FASN: variants seen among roughly 807,000 people sequenced by gnomAD.
FASN encodes fatty acid synthase.
In FASN, 50 loss-of-function variants were observed where a neutral mutation model predicts 250.0. The observed-to-expected ratio is 0.20, with a 90% CI of 0.16 to 0.25. The LOEUF (loss-of-function observed/expected upper bound fraction) is 0.25, where lower values mean the gene tolerates loss of function less well. Ranked by LOEUF, FASN falls within the 10% of genes least tolerant of loss-of-function variation. FASN has a pLI of 1.00. For missense variants in FASN, 3,031 were observed against 3,498.5 expected (o/e 0.87, Z 3.37); for synonymous variants, 1,909 against 1,584.0 (o/e 1.21, Z -4.87).
At position 82,084,359 on chromosome 17, in the gene FASN, C is replaced by G; in HGVS notation, c.4794G>C (p.Leu1598=). ...IPGKWTSQDS[L]LGMEFSGRDA... ...CTCGGCCCGAGAACTCCATACCTAG[C>G]AGGCTGTCCTGGGAGGTCCACTTCC... The change falls in exon 28 of 43, where the codon CTG becomes CTC. Residue 1598 remains leucine (L), a synonymous_variant. Coordinates refer to ENST00000306749, the MANE Select transcript of FASN (RefSeq NM_004104.5). The G allele has an allele frequency of 6.2e-7, 1 of 1,608,166 alleles. No homozygotes were observed. Among genetic ancestry groups the G allele is most frequent in the Non-Finnish European group, 8.5e-7 (1 of 1,177,982 alleles).
rs968049325 is a variant in FASN, at chr17:82,090,379, G to A, written c.1866C>T (p.Ala622=). Residue 622 remains alanine, a synonymous_variant, in exon 11 of 43, where the codon GCC becomes GCT. Coordinates refer to ENST00000306749, the MANE Select transcript of FASN (RefSeq NM_004104.5). ...EAHLPPGAMA[A]VGLSWEECKQ... is the part of the protein sequence containing the mutation. ...GGGCCCCTCCGGGAGACCTACCCAC[G>A]GCTGCCATGGCGCCCGGCGGGAGAT... The A allele has an allele frequency of 6.3e-6, 10 of 1,585,768 alleles. No homozygotes were observed. Among genetic ancestry groups the A allele is most frequent in the South Asian group, 2.3e-5 (2 of 87,378 alleles).
chr17:82,088,612 G>C (rs1269473263), intron 15 of FASN, 50 bp from the exon 16 acceptor site: 1 of 1,581,552 alleles, frequency 6.3e-7, no homozygotes. Context: ...GGGTCCAGGG[G>C]CTCTGGGTTC....
chr17:82,086,639 C>A, intron 21 of FASN, 81 bp from the exon 22 acceptor site: 1 of 1,050,678 alleles, frequency 9.5e-7, no homozygotes, highest in Admixed American at 1.9e-5. Flanking sequence ...CCCACTCTGT[C>A]CTTCTGGGGC....
chr17:82,083,014 G>T lies in FASN; in HGVS notation c.5667C>A (p.Ile1889=), dbSNP rs201961129. The T allele has an allele frequency of 6.2e-7, 1 of 1,612,990 alleles. No homozygotes were observed. The highest frequency in any genetic ancestry group is 1.7e-5 in the Admixed American group (1 of 60,022). ...GGCCGAAGCCACCCAGACCACCAGC[G>T]ATGATGTAGCTCTTGTGGGCCGGGC... is the stretch of plus-strand genomic sequence containing the variant. The part of the protein sequence containing the change: ...TFCPAHKSYI[I]AGGLGGFGLE... Residue 1889 remains isoleucine (I), a synonymous_variant, in exon 33 of 43, where the codon ATC becomes ATA. Transcript: ENST00000306749.
chr17:82,080,653 A>G (rs760301728), intron 39 of FASN, 39 bp downstream of exon 39: 24 of 1,555,410 alleles, frequency 1.5e-5, no homozygotes, highest in Non-Finnish European at 2.0e-5. Context: ...CGTGATGGCC[A>G]GCACTGACCA....
Position 82,092,774 on chromosome 17 carries a change from T to C in FASN, c.817A>G (p.Ile273Val). The change falls in exon 7 of 43, where the codon ATC (isoleucine) becomes GTC (valine). Residue 273 changes from isoleucine to valine, a missense_variant. Physicochemically the swap from Ile to Val is conservative, Grantham distance 29. Transcript: ENST00000306749. The part of the protein sequence containing the change: ...FPSGDIQEQL[I>V]RSLYQSAGVA... ...CCGGCCGACTGGTACAACGAGCGGA[T>C]GAGCTGCTCCTGGATATCCCCTGAG... The C allele has an allele frequency of 6.2e-7, 1 of 1,605,572 alleles. No individual in the cohort carries two copies. The highest frequency in any genetic ancestry group is 8.5e-7 in the Non-Finnish European group (1 of 1,177,414).
At position 82,087,477 on chromosome 17, in the gene FASN, T is replaced by C; in HGVS notation, c.3071A>G (p.Asp1024Gly). ...EGDSGRLLWK[D>G]NWVSFMDTML... is the part of the protein sequence containing the mutation. Reference sequence around the variant, plus strand: ...GGTGTCCATGAAGCTCACCCAGTTATCCTTCCACAGCAGCCTCCCCGAGTC... The same window carrying C: ...GGTGTCCATGAAGCTCACCCAGTTACCCTTCCACAGCAGCCTCCCCGAGTC... The change falls in exon 20 of 43, where the codon GAT becomes GGT. Residue 1024 changes from aspartate (D) to glycine (G), a missense_variant. Physicochemically the swap from Asp to Gly is moderately conservative, Grantham distance 94. Coordinates refer to ENST00000306749, the MANE Select transcript of FASN (RefSeq NM_004104.5). 11 of 1,612,538 alleles carry C rather than the reference T, an allele frequency of 6.8e-6. No homozygotes were observed. The highest frequency in any genetic ancestry group is 2.7e-5 in the African/African-American group (2 of 75,030).
rs375801567 is a variant in FASN, at chr17:82,092,973, G to A, written c.702C>T (p.Thr234=). Reference sequence around the variant, plus strand: ...ACACCCGCCGGGCCAGGGACTTCTTGGTCAGCAGGACGGCCACCACACCCT... The same window carrying A: ...ACACCCGCCGGGCCAGGGACTTCTTAGTCAGCAGGACGGCCACCACACCCT... The part of the protein sequence containing the change: ...RSEGVVAVLL[T]KKSLARRVYA... Residue 234 remains threonine, a synonymous_variant, in exon 6 of 43, where the codon ACC becomes ACT. Transcript: ENST00000306749. The A allele has an allele frequency of 1.2e-5, 20 of 1,612,162 alleles. No homozygotes were observed. The Admixed American group carries it at 2.2e-4, about 17-fold the overall frequency.
chr17:82,087,013 C>T, intron 21 of FASN, 37 bp downstream of exon 21: 1 of 1,607,634 alleles, frequency 6.2e-7, no homozygotes, highest in Non-Finnish European at 8.5e-7. Context: ...CTCCTCATCG[C>T]CAGAGGTGTC....
Position 82,083,107 on chromosome 17 carries a change from C to T in FASN, c.5574G>A (p.Ala1858=), listed in dbSNP as rs145542725. ...HIGKVVVQVL[A]EEPEAVLKGA... ...CCTTCAGCACTGCCTCCGGCTCCTC[C>T]GCAAGCACCTGCGTCCAAGCAGCAC... The change falls in exon 33 of 43, where the codon GCG becomes GCA. Residue 1858 remains alanine, a synonymous_variant. Transcript: ENST00000306749. The T allele has an allele frequency of 1.7e-4, 273 of 1,610,352 alleles. 1 individual carries two copies. The highest frequency in any genetic ancestry group is 5.5e-4 in the Admixed American group (33 of 60,012).
Position 82,082,908 on chromosome 17 carries a change from A to C in FASN, c.5767+6T>G, listed in dbSNP as rs562827847. ...GGCTGGTCCACAAGCACCCCTGCCG[A>C]CTCACCTGTCCGGATCCCGGAGCGA... On this transcript the variant is annotated splice_donor_region_variant and intron_variant, in intron 33 of 42. Transcript: ENST00000306749. The C allele has an allele frequency of 6.2e-7, 1 of 1,612,264 alleles. No homozygotes were observed. The highest frequency in any genetic ancestry group is 2.2e-5 in the East Asian group (1 of 44,852).
rs1317008880 is a variant in FASN, at chr17:82,084,936, T to C, written c.4427A>G (p.Asn1476Ser). ...CGGGACGTGGGAGGTGCTGCTGAGGTTGGAGAGCAGCACACACCTGGGGGC... is the reference window on the plus strand; with the variant it reads ...CGGGACGTGGGAGGTGCTGCTGAGGCTGGAGAGCAGCACACACCTGGGGGC... The part of the protein sequence containing the change: ...GNRLRCVLLS[N>S]LSSTSHVPEV... The change falls in exon 26 of 43, where the codon AAC becomes AGC. Residue 1476 changes from asparagine (N) to serine (S), a missense_variant. Physicochemically the swap from Asn to Ser is conservative, Grantham distance 46. Transcript: ENST00000306749. 1.3e-6 allele frequency: 2 copies of C among 1,555,774 alleles called. No homozygotes were observed. Among genetic ancestry groups the C allele is most frequent in the African/African-American group, 2.7e-5 (2 of 73,452 alleles).
chr17:82,084,126 A>G lies in FASN; in HGVS notation c.4947T>C (p.Pro1649=), dbSNP rs1943961546. ...NWTLEEAASV[P]VVYSTAYYAL... is the part of the protein sequence containing the mutation. ...CGTAGTAGGCCGTGCTGTAGACGAC[A>G]GGCACCGAGGCCGCCTCCTCCAGCG... is the stretch of plus-strand genomic sequence containing the variant. Residue 1649 remains proline, a synonymous_variant, in exon 29 of 43, where the codon CCT becomes CCC. Coordinates refer to ENST00000306749, the MANE Select transcript of FASN (RefSeq NM_004104.5). 6.3e-7 allele frequency: 1 copy of G among 1,585,508 alleles called. No individual in the cohort carries two copies. The highest frequency in any genetic ancestry group is 8.6e-7 in the Non-Finnish European group (1 of 1,167,382).
chr17:82,091,052 G>A lies in FASN; in HGVS notation c.1510C>T (p.Arg504Cys), dbSNP rs758221850. 3.7e-6 allele frequency: 6 copies of A among 1,611,406 alleles called. No individual in the cohort carries two copies. Among genetic ancestry groups the A allele is most frequent in the South Asian group, 3.3e-5 (3 of 90,464 alleles). Residue 504 changes from arginine (R) to cysteine (C), a missense_variant, in exon 10 of 43, where the codon CGC becomes TGC. By Grantham distance (180) the Arg-to-Cys change is radical. Coordinates refer to ENST00000306749, the MANE Select transcript of FASN (RefSeq NM_004104.5). ...CGCATGAGGCTCAGCCCCATCCCGC[G>A]CCACTGTGTGCCCATCCCTGTCCCA... ...FICSGMGTQW[R>C]GMGLSLMRLD...
chr17:82,093,245 C>G lies in FASN; in HGVS notation c.629G>C (p.Gly210Ala). Residue 210 changes from glycine to alanine, a missense_variant, in exon 5 of 43, where the codon GGC (glycine) becomes GCC (alanine). Transcript: ENST00000306749. The stretch of plus-strand genomic sequence containing the variant: ...CGCTGTGTCGAAGGCCTTGCAGGTG[C>G]CCTCGGGGCTGAGCATCCCCAGCCT... The part of the protein sequence containing the change: ...FLRLGMLSPE[G>A]TCKAFDTAGN... 1 of 1,589,092 alleles carries G rather than the reference C, an allele frequency of 6.3e-7. No homozygotes were observed. The highest frequency in any genetic ancestry group is 8.6e-7 in the Non-Finnish European group (1 of 1,168,702).
intron 33 of FASN, 36 bp downstream of exon 33, chr17:82,082,878 G>A (rs781730388): frequency 1.8e-5 from 29 of 1,608,928 alleles, no homozygotes; most frequent in Non-Finnish European, 2.4e-5. Flanking sequence ...GCTGTGCCTG[G>A]CCCAGGCTGG....
intron 41 of FASN, chr17:82,079,851 G>A (rs933822614): frequency 1.6e-6 from 1 of 639,346 alleles, no homozygotes; most frequent in South Asian, 2.0e-5. Context: ...GGGACTATAG[G>A]TGAGTGCCAC....
chr17:82,087,420 T>C lies in FASN; in HGVS notation c.3128A>G (p.Lys1043Arg), dbSNP rs756910426. The change falls in exon 20 of 43, where the codon AAG becomes AGG. Residue 1043 changes from lysine (K) to arginine (R), a missense_variant. By Grantham distance (26) the Lys-to-Arg change is conservative. Transcript: ENST00000306749. ...ACGGGTGGGCAGGTACAGGCCGTGC[T>C]TGGCCGAGCCCAGGATGGACATCTG... The part of the protein sequence containing the change: ...MLQMSILGSA[K>R]HGLYLPTRVT... 4 of 1,612,588 alleles carry C rather than the reference T, an allele frequency of 2.5e-6. No individual in the cohort carries two copies. The Admixed American group carries it at 5.0e-5, about 20-fold the overall frequency.
rs45573640 is a variant in FASN, at chr17:82,085,168, C to G, written c.4288-12G>C. ...TCAGCCAGGATGCCCTACAGCGGGT[C>G]GGGGAGGGTCAGGCCACACTCGGCA... On this transcript the variant is annotated splice_polypyrimidine_tract_variant and intron_variant, in intron 24 of 42. Transcript: ENST00000306749. 225,544 of 1,610,920 alleles carry G rather than the reference C, an allele frequency of 0.14. 17,758 individuals carry two copies. The highest frequency in any genetic ancestry group is 0.22 in the Middle Eastern group (1,363 of 6,058).
Sources: gnomAD v4.1 joint callset for allele counts on GRCh38, gnomAD v4.1.1 for gene constraint, MANE v1.5 for transcripts, NCBI Gene and HGNC (gene_info 2026-07-23, HGNC 2026-07-21) for gene names.